STK39: variants seen among roughly 807,000 people sequenced by gnomAD.
STK39 encodes the protein STE20/SPS1-related proline-alanine-rich protein kinase.
In STK39, 20 loss-of-function variants were observed where a neutral mutation model predicts 77.8. That is an observed-to-expected ratio of 0.26 (90% CI 0.18 to 0.37). The LOEUF (loss-of-function observed/expected upper bound fraction) is 0.37. Ranked by LOEUF, STK39 falls within the 10% of genes least tolerant of loss-of-function variation. The pLI, the probability that STK39 is intolerant of heterozygous loss-of-function variation, is 1.00. For synonymous variants in STK39, 246 were observed against 234.1 expected (o/e 1.05, Z -0.47); for missense variants, 479 against 656.5 (o/e 0.73, Z 2.95).
At chr2:168,082,515 G>A (rs944186311) in intron 10 of STK39, among the ~76,000 whole-genome samples, 2 of 152,178 alleles carry the variant, frequency 1.3e-5, no homozygotes, top group Non-Finnish European at 2.9e-5. Flanking sequence ...CTGTCTTGTA[G>A]ACACTGCTGA....
chr2:168,007,009 T>C (rs1381998944), intron 16 of STK39, among the ~76,000 whole-genome samples: 1 of 152,258 alleles, frequency 6.6e-6, no homozygotes, highest in Non-Finnish European at 1.5e-5. Flanking sequence ...ACTGATAACA[T>C]TCACTGCTCC....
chr2:168,028,423 T>C (rs896205129), intron 14 of STK39, among the ~76,000 whole-genome samples: 1 of 152,220 alleles, frequency 6.6e-6, no homozygotes, highest in African/African-American at 2.4e-5. Flanking sequence ...TATGGAACTA[T>C]AATGTCACAT....
intron 2 of STK39, among the ~76,000 whole-genome samples, chr2:168,177,309 G>A (rs1020118660): frequency 6.6e-6 from 1 of 151,892 alleles, no homozygotes; most frequent in African/African-American, 2.4e-5. Context: ...TGACTCTCCT[G>A]CCCCTGAGAA....
chr2:167,983,604 G>T (rs1444083327), intron 16 of STK39, among the ~76,000 whole-genome samples: 1 of 151,974 alleles, frequency 6.6e-6, no homozygotes, highest in Non-Finnish European at 1.5e-5. Flanking sequence ...CCTAAAATTT[G>T]ACTATTAAGG....
intron 12 of STK39, among the ~76,000 whole-genome samples, chr2:168,071,731 T>C (rs986547107): frequency 4.6e-5 from 7 of 151,984 alleles, no homozygotes; most frequent in Admixed American, 2.6e-4. Flanking sequence ...TAGCTAGGCA[T>C]GGTGGCAGGC....
Position 168,100,516 on chromosome 2 carries a change from G to A in STK39, c.1090-25285C>T, listed in dbSNP as rs113174280. 2.4e-4 allele frequency among the ~76,000 whole-genome samples: 36 copies of A among 152,164 alleles called. 3 individuals carry two copies. Among genetic ancestry groups the A allele is most frequent in the East Asian group, 2.3e-3 (12 of 5,176 alleles). ...TGGGCTCAAGCGATCCTCCTGCCAC[G>A]GCCTCCCAAAGTGTAGGGATTACAG... On this transcript the variant is annotated intron_variant, in intron 10 of 17. Transcript: ENST00000355999.
At chr2:168,168,936 T>A (rs559906904) in intron 2 of STK39, among the ~76,000 whole-genome samples, 6 of 152,232 alleles carry the variant, frequency 3.9e-5, no homozygotes, top group Middle Eastern at 3.4e-3. Flanking sequence ...TGAGCTGAGA[T>A]CGTGCCACTG....
chr2:168,227,225 C>T (rs1242040108), intron 1 of STK39, among the ~76,000 whole-genome samples: 2 of 152,180 alleles, frequency 1.3e-5, no homozygotes, highest in East Asian at 1.9e-4. Flanking sequence ...TGCAAGGATA[C>T]ACACCAAACT....
At chr2:168,004,559 C>T (rs577702569) in intron 16 of STK39, among the ~76,000 whole-genome samples, 91 of 151,766 alleles carry the variant, frequency 6.0e-4, no homozygotes, top group African/African-American at 2.1e-3. Context: ...GGCGAAACCC[C>T]GTCTCTACTA....
At chr2:168,091,044 T>TTTTA (rs1292635266) in intron 10 of STK39, among the ~76,000 whole-genome samples, 1 of 152,066 alleles carries the variant, frequency 6.6e-6, no homozygotes, top group African/African-American at 2.4e-5. Context: ...AACAGACCCA[T>TTTTA]GTTGGTTCAC....
At chr2:167,955,727 T>G (rs1691746928) in intron 17 of STK39, among the ~76,000 whole-genome samples, 157 bp from the exon 18 acceptor site, 1 of 152,164 alleles carries the variant, frequency 6.6e-6, no homozygotes, top group African/African-American at 2.4e-5. Context: ...CTCTCTCGAA[T>G]GACTACTGGA....
At chr2:168,039,104 T>A (rs1685034763) in intron 14 of STK39, among the ~76,000 whole-genome samples, 1 of 152,096 alleles carries the variant, frequency 6.6e-6, no homozygotes, top group South Asian at 2.1e-4. Flanking sequence ...GCAGCATTAT[T>A]CATAACAGTA....
intron 1 of STK39, among the ~76,000 whole-genome samples, chr2:168,188,545 A>C (rs546109021): frequency 3.3e-5 from 5 of 152,240 alleles, no homozygotes; most frequent in Non-Finnish European, 5.9e-5. Context: ...ACCCTTCCTT[A>C]CTTGATGGTC....
chr2:168,110,856 A>G (rs913298406), intron 10 of STK39, among the ~76,000 whole-genome samples: 2 of 152,212 alleles, frequency 1.3e-5, no homozygotes, highest in Non-Finnish European at 1.5e-5. Context: ...CTATCAATCA[A>G]TTTGGGGATA....
chr2:167,995,901 A>G (rs1468511202), intron 16 of STK39, among the ~76,000 whole-genome samples: 2 of 152,142 alleles, frequency 1.3e-5, no homozygotes, highest in Non-Finnish European at 2.9e-5. Context: ...TGCCAGCTTC[A>G]TGTCCTGCAG....
intron 1 of STK39, among the ~76,000 whole-genome samples, chr2:168,201,181 C>A (rs1436107646): frequency 6.6e-6 from 1 of 152,224 alleles, no homozygotes; most frequent in African/African-American, 2.4e-5. Flanking sequence ...CTTTTAATTT[C>A]TGCCTCACAC....
intron 16 of STK39, among the ~76,000 whole-genome samples, chr2:167,979,598 G>A (rs1222436476): frequency 2.6e-5 from 4 of 152,104 alleles, no homozygotes; most frequent in Admixed American, 6.6e-5. Flanking sequence ...TTCTTAATCC[G>A]AGAGGTAAAA....
chr2:168,247,328 GGCCGGCGCTGCTGTCGCGGCC>G lies in STK39; in HGVS notation c.87_107del (p.Ala30_Ala36del), dbSNP rs1690952273. On this transcript the variant is annotated inframe_deletion, in exon 1 of 18. Transcript: ENST00000355999. ...GGGCCGGGGCCGCGGGAGCTGCCGG[GGCCGGCGCTGCTGTCGCGGCC>G]GCCGGGGCCGCCGCCGCCGCCGCTG... The G allele has an allele frequency of 9.7e-7, 1 of 1,036,188 alleles. No homozygotes were observed. Among genetic ancestry groups the G allele is most frequent in the African/African-American group, 1.7e-5 (1 of 58,268 alleles). 64.2% of individuals were successfully genotyped at this position (1,036,188 alleles called of 1,614,324 possible).
At position 168,247,544 on chromosome 2, in the gene STK39, CCCGCCGCCG is replaced by C. The variant is rs571309687; in HGVS notation, c.-118_-110del. 5.8e-5 allele frequency: 28 copies of C among 478,746 alleles called. No homozygotes were observed. Among genetic ancestry groups the C allele is most frequent in the African/African-American group, 3.2e-4 (15 of 47,598 alleles). 29.7% of individuals were successfully genotyped at this position (478,746 alleles called of 1,614,324 possible). A position where few individuals can be genotyped will look rare whatever the true frequency, so the allele number is the denominator to read the frequency against. The stretch of plus-strand genomic sequence containing the variant: ...TCTCGGCCGGCGCACGCCCTCCCCG[CCCGCCGCCG>C]CCGCCGCCGTCCCCGCCGAAGCCAG... On this transcript the variant is annotated 5_prime_UTR_variant, in exon 1 of 18. Coordinates refer to ENST00000355999, the MANE Select transcript of STK39 (RefSeq NM_013233.3).
Sources: allele counts gnomAD v4.1 joint callset (sites outside exome capture counted in the v4.1 genomes callset), GRCh38; gene constraint gnomAD v4.1.1; transcripts MANE v1.5; gene names NCBI Gene and HGNC (gene_info 2026-07-23, HGNC 2026-07-21).